The following RHAG variants were observed in gnomAD, a reference collection of about 807,000 sequenced individuals.
RHAG encodes the protein ammonium transporter Rh type A.
In RHAG, 25 loss-of-function variants were observed where a neutral mutation model predicts 42.4. The observed-to-expected ratio is 0.59, with a 90% confidence interval of 0.43 to 0.82. The LOEUF is 0.82. RHAG is among the 40% of genes least tolerant of loss of function. RHAG has a pLI of 0.00. For synonymous variants in RHAG, 182 were observed against 177.7 expected (o/e 1.02, Z -0.19); for missense variants, 483 against 504.6 (o/e 0.96, Z 0.41).
At chr6:49,610,235 A>C (rs758746381) in intron 7 of RHAG, among the ~76,000 whole-genome samples, 2 of 152,168 alleles carry the variant, frequency 1.3e-5, no homozygotes, top group Non-Finnish European at 2.9e-5. Context: ...TAAAGTACAC[A>C]CAATTTAAAA....
chr6:49,620,887 A>C (rs1289948683), intron 1 of RHAG, among the ~76,000 whole-genome samples: 1 of 152,136 alleles, frequency 6.6e-6, no homozygotes, highest in Non-Finnish European at 1.5e-5. Context: ...AAGTGGAAAT[A>C]GGTATGAGGG....
At chr6:49,622,410 C>T (rs933907987) in intron 1 of RHAG, among the ~76,000 whole-genome samples, 6 of 152,080 alleles carry the variant, frequency 3.9e-5, no homozygotes, top group Non-Finnish European at 8.8e-5. Flanking sequence ...CAGGGTTTCA[C>T]CATGTTGGTC....
chr6:49,619,137 T>G (rs762908222), intron 2 of RHAG, 42 bp downstream of exon 2: 8 of 1,602,336 alleles, frequency 5.0e-6, no homozygotes, highest in Non-Finnish European at 6.0e-6. Flanking sequence ...ATATATGAAT[T>G]CTGGAGGATG....
chr6:49,614,478 A>AGT (rs1762619303), intron 5 of RHAG, among the ~76,000 whole-genome samples: 1 of 152,118 alleles, frequency 6.6e-6, no homozygotes, highest in South Asian at 2.1e-4. Flanking sequence ...CTGGGATTAC[A>AGT]GGCATTAGCC....
At chr6:49,631,164 G>C (rs2145331) in intron 1 of RHAG, among the ~76,000 whole-genome samples, 70,104 of 151,884 alleles carry the variant, frequency 0.46, 16,633 homozygotes, top group East Asian at 0.69. Context: ...TGACCACTTG[G>C]TTAAAACTGG....
In RHAG at chr6:49,618,145, T is replaced by C. The variant is rs1176731976; in HGVS notation, c.415A>G (p.Thr139Ala). 1.9e-6 allele frequency: 3 copies of C among 1,614,096 alleles called. No individual in the cohort carries two copies. The highest frequency in any genetic ancestry group is 2.5e-6 in the Non-Finnish European group (3 of 1,179,954). ...FGAVLGKTSP[T>A]QMLIMTILEI... The stretch of plus-strand genomic sequence containing the variant: ...AAAATTGTCATGATCAGCATTTGGG[T>C]GGGGCTCGTTTTTCCCAGGACAGCT... The change falls in exon 3 of 10, where the codon ACC (threonine) becomes GCC (alanine). Residue 139 changes from threonine (T) to alanine (A), a missense_variant. Transcript: ENST00000371175.
intron 9 of RHAG, 21 bp from the exon 10 acceptor site, chr6:49,605,851 G>T: frequency 6.2e-7 from 1 of 1,602,504 alleles, no homozygotes; most frequent in Non-Finnish European, 8.5e-7. Context: ...ACAAGTTTGA[G>T]GGCACTTAAT....
intron 1 of RHAG, 91 bp from the exon 2 acceptor site, chr6:49,619,453 C>A (rs908805175): frequency 1.7e-6 from 2 of 1,161,674 alleles, no homozygotes; most frequent in Admixed American, 2.0e-5. Context: ...AGTGCTACCA[C>A]CTTTGTATAA....
At chr6:49,631,446 T>C (rs1334809260) in intron 1 of RHAG, among the ~76,000 whole-genome samples, 2 of 152,218 alleles carry the variant, frequency 1.3e-5, no homozygotes, top group Non-Finnish European at 2.9e-5. Context: ...TATGCAATAT[T>C]TCTATGGGCT....
chr6:49,620,004 C>T (rs188081590), intron 1 of RHAG, among the ~76,000 whole-genome samples: 14 of 152,176 alleles, frequency 9.2e-5, no homozygotes, highest in East Asian at 3.9e-4. Context: ...GCACCAGCCA[C>T]GAAAATCTTA....
At chr6:49,621,581 T>C (rs1762760298) in intron 1 of RHAG, among the ~76,000 whole-genome samples, 1 of 152,230 alleles carries the variant, frequency 6.6e-6, no homozygotes, top group South Asian at 2.1e-4. Flanking sequence ...CATTTGTCAA[T>C]TAATATCAAC....
chr6:49,611,960 G>T (rs1025600278), intron 6 of RHAG, among the ~76,000 whole-genome samples: 1 of 151,614 alleles, frequency 6.6e-6, no homozygotes, highest in East Asian at 1.9e-4. Flanking sequence ...TGTTGTCCAG[G>T]CTGGTCTTGA....
intron 1 of RHAG, among the ~76,000 whole-genome samples, chr6:49,630,071 G>A (rs970256491): frequency 3.9e-5 from 6 of 152,214 alleles, no homozygotes; most frequent in African/African-American, 1.2e-4. Flanking sequence ...CGCCGAGAGC[G>A]AGCGAGGGCT....
At chr6:49,613,069 ATTT>A (rs562332720) in intron 5 of RHAG, among the ~76,000 whole-genome samples, 10 of 137,664 alleles carry the variant, frequency 7.3e-5, no homozygotes, top group Non-Finnish European at 1.1e-4. Context: ...AGAGGAACTG[ATTT>A]TTTTTTTTTT....
intron 2 of RHAG, 119 bp from the exon 3 acceptor site, chr6:49,618,337 C>A: frequency 1.0e-6 from 1 of 1,004,496 alleles, no homozygotes. Flanking sequence ...CATCATCTCC[C>A]ACTTCCTTAT....
intron 4 of RHAG, chr6:49,615,379 TAA>T: frequency 2.8e-6 from 1 of 356,312 alleles, no homozygotes. Flanking sequence ...TTTCAAAGTT[TAA>T]TTGAATTTAT....
At chr6:49,616,667 C>T (rs1187926933) in intron 3 of RHAG, among the ~76,000 whole-genome samples, 7 of 152,154 alleles carry the variant, frequency 4.6e-5, no homozygotes, top group Non-Finnish European at 8.8e-5. Flanking sequence ...AGATGACACA[C>T]ATCTATTTAT....
chr6:49,635,110 T>G (rs924890408), intron 1 of RHAG, among the ~76,000 whole-genome samples: 11 of 150,730 alleles, frequency 7.3e-5, no homozygotes, highest in Admixed American at 5.3e-4. Flanking sequence ...GCACACTAGA[T>G]GTCCAAAAAT....
chr6:49,627,752 G>C (rs772755044), intron 1 of RHAG, among the ~76,000 whole-genome samples: 1 of 152,198 alleles, frequency 6.6e-6, no homozygotes, highest in African/African-American at 2.4e-5. Context: ...GTCTTACATA[G>C]TGGCAGGTGA....
Sources: allele counts gnomAD v4.1 joint callset (sites outside exome capture counted in the v4.1 genomes callset), GRCh38; gene constraint gnomAD v4.1.1; transcripts MANE v1.5; gene names NCBI Gene and HGNC (gene_info 2026-07-23, HGNC 2026-07-21).